Variants in EXT1 observed in about 807,000 individuals in gnomAD.
EXT1 encodes the protein exostosin glycosyltransferase 1, also known as exostosin-1.
Under a neutral mutation model 82.5 loss-of-function variants are expected in EXT1, and 20 were observed. That is an observed-to-expected ratio of 0.24 (90% CI 0.17 to 0.35). EXT1 has a LOEUF of 0.35. Among genes scored for constraint, EXT1 ranks in the 10% least tolerant of loss-of-function variants. The pLI, the probability that EXT1 is intolerant of heterozygous loss-of-function variation, is 1.00. For missense variants in EXT1, 757 were observed against 936.5 expected, an observed-to-expected ratio of 0.81 and a Z score of 2.50; for synonymous variants, 348 against 350.8, an observed-to-expected ratio of 0.99 and a Z score of 0.09.
Position 117,807,390 on chromosome 8 carries a change from C to T in EXT1, c.1723-13G>A, listed in dbSNP as rs765789800. 1.2e-6 allele frequency: 2 copies of T among 1,614,010 alleles called. No individual in the cohort carries two copies. The highest frequency in any genetic ancestry group is 1.3e-5 in the African/African-American group (1 of 74,922). On this transcript the variant is annotated splice_polypyrimidine_tract_variant and intron_variant, in intron 8 of 10. Coordinates refer to ENST00000378204, the MANE Select transcript of EXT1 (RefSeq NM_000127.3). ...AGGCGAAATCCACCTGCAGGCAGAA[C>T]ACAAGCCAAACAAGCAATCAACAGT...
intron 1 of EXT1, among the ~76,000 whole-genome samples, chr8:117,842,907 T>C (rs527360746): frequency 3.3e-5 from 5 of 152,180 alleles, no homozygotes; most frequent in East Asian, 1.9e-4. Context: ...CCAAAGACGA[T>C]AGGGAAGAAA....
chr8:117,802,015 G>T (rs1823173985), intron 10 of EXT1, among the ~76,000 whole-genome samples: 1 of 152,150 alleles, frequency 6.6e-6, no homozygotes, highest in Non-Finnish European at 1.5e-5. Context: ...TAGAAAAGAT[G>T]CCTTTCTTAT....
At chr8:118,086,302 G>C (rs565815779) in intron 1 of EXT1, among the ~76,000 whole-genome samples, 1 of 152,200 alleles carries the variant, frequency 6.6e-6, no homozygotes, top group South Asian at 2.1e-4. Context: ...AGCCTCTTTA[G>C]GTAAACCATT....
chr8:117,987,040 A>C (rs1202841403), intron 1 of EXT1, among the ~76,000 whole-genome samples: 1 of 152,214 alleles, frequency 6.6e-6, no homozygotes, highest in African/African-American at 2.4e-5. Context: ...ATGTTGGTAG[A>C]AACCTCTTCC....
chr8:117,827,115 C>A (rs974078259), intron 4 of EXT1, among the ~76,000 whole-genome samples: 2 of 152,080 alleles, frequency 1.3e-5, no homozygotes, highest in African/African-American at 4.8e-5. Flanking sequence ...AAGAGAGTCA[C>A]GCCCAGACAG....
At chr8:118,073,632 A>AGAGAAGAGAAG (rs201535579) in intron 1 of EXT1, among the ~76,000 whole-genome samples, 3 of 89,532 alleles carry the variant, frequency 3.4e-5, no homozygotes, top group African/African-American at 1.1e-4. Context: ...AGAGAAGAGA[A>AGAGAAGAGAAG]AGAAGAGAAG....
At chr8:117,849,284 C>A (rs917891150) in intron 1 of EXT1, among the ~76,000 whole-genome samples, 1 of 152,178 alleles carries the variant, frequency 6.6e-6, no homozygotes, top group East Asian at 1.9e-4. Flanking sequence ...GTTTTACTGG[C>A]TTACCTTCTT....
intron 4 of EXT1, among the ~76,000 whole-genome samples, chr8:117,829,084 G>A (rs1057283689): frequency 6.6e-6 from 1 of 152,092 alleles, no homozygotes; most frequent in African/African-American, 2.4e-5. Flanking sequence ...CCAAAAGGAA[G>A]GCCACAATGC....
intron 1 of EXT1, among the ~76,000 whole-genome samples, chr8:117,981,622 CT>C (rs1815205102): frequency 6.6e-6 from 1 of 152,052 alleles, no homozygotes; most frequent in African/African-American, 2.4e-5. Flanking sequence ...AGATCCCTCC[CT>C]CTTTGGGAGG....
At chr8:118,024,757 C>G (rs1175634177) in intron 1 of EXT1, among the ~76,000 whole-genome samples, 1 of 152,058 alleles carries the variant, frequency 6.6e-6, no homozygotes, top group Non-Finnish European at 1.5e-5. Flanking sequence ...GCCTAGAGGT[C>G]TGAGAAAGAG....
chr8:117,963,881 G>A (rs1814753018), intron 1 of EXT1, among the ~76,000 whole-genome samples: 1 of 152,094 alleles, frequency 6.6e-6, no homozygotes, highest in South Asian at 2.1e-4. Flanking sequence ...TTCCCAAGAG[G>A]ATGATGTGTG....
At chr8:117,806,507 C>T (rs1054127922) in intron 9 of EXT1, among the ~76,000 whole-genome samples, 6 of 152,316 alleles carry the variant, frequency 3.9e-5, no homozygotes, top group Middle Eastern at 3.4e-3. Flanking sequence ...TGCATCCATG[C>T]CCCCTGACTT....
chr8:118,010,057 T>C (rs550392032), intron 1 of EXT1, among the ~76,000 whole-genome samples: 1 of 152,292 alleles, frequency 6.6e-6, no homozygotes, highest in South Asian at 2.1e-4. Flanking sequence ...TGTCCATCAG[T>C]GTCTTCATTT....
At chr8:118,093,268 CAAAAAAAAAAAA>C (rs10594150) in intron 1 of EXT1, among the ~76,000 whole-genome samples, 43 of 66,786 alleles carry the variant, frequency 6.4e-4, no homozygotes, top group African/African-American at 2.5e-4. Context: ...AAATTCCCAG[CAAAAAAAAAAAA>C]AAAAAAAAAA....
At chr8:117,805,652 C>A (rs956701985) in intron 9 of EXT1, among the ~76,000 whole-genome samples, 5 of 152,130 alleles carry the variant, frequency 3.3e-5, no homozygotes, top group Admixed American at 2.6e-4. Context: ...AATCAGTCAG[C>A]CTAAATGTTT....
intron 1 of EXT1, among the ~76,000 whole-genome samples, chr8:118,052,529 A>G (rs984691493): frequency 2.6e-5 from 4 of 152,330 alleles, no homozygotes; most frequent in African/African-American, 9.6e-5. Flanking sequence ...TTGTAAGACA[A>G]CTGGGCTAAT....
intron 1 of EXT1, among the ~76,000 whole-genome samples, chr8:117,913,568 AC>A (rs1803850735): frequency 6.6e-6 from 1 of 152,178 alleles, no homozygotes; most frequent in African/African-American, 2.4e-5. Context: ...TGCCAAGGAG[AC>A]GCTAACCCAG....
intron 1 of EXT1, among the ~76,000 whole-genome samples, chr8:117,909,669 G>C (rs7824327): frequency 0.26 from 39,667 of 152,086 alleles, 5,839 homozygotes; most frequent in East Asian, 0.37. Context: ...TAGTTGGATG[G>C]TACATGCATT....
In EXT1 at chr8:118,028,878, C is replaced by T. The variant is rs146862793; in HGVS notation, c.962+81207G>A. On this transcript the variant is annotated intron_variant, in intron 1 of 10. Transcript: ENST00000378204. ...CAGAAGCTGCACTGAGCCAAGATCG[C>T]GCCATTGCACTCCAGCCTGAGCAAC... 7.5e-3 allele frequency among the ~76,000 whole-genome samples: 1,137 copies of T among 152,072 alleles called. 13 individuals carry two copies. Among genetic ancestry groups the T allele is most frequent in the African/African-American group, 0.026 (1,089 of 41,488 alleles).
Sources: allele counts gnomAD v4.1 joint callset (sites outside exome capture counted in the v4.1 genomes callset), GRCh38; gene constraint gnomAD v4.1.1; transcripts MANE v1.5; gene names NCBI Gene and HGNC (gene_info 2026-07-23, HGNC 2026-07-21).